The following CA10 variants were observed in gnomAD, a reference collection of about 807,000 sequenced individuals.
CA10 encodes carbonic anhydrase-related protein 10.
In CA10, 14 loss-of-function variants were observed where a neutral mutation model predicts 44.2. That is an observed-to-expected ratio of 0.32 (90% CI 0.21 to 0.50). The LOEUF is 0.50. Ranked by LOEUF, CA10 falls within the 20% of genes least tolerant of loss-of-function variation. CA10 has a pLI of 0.99. For synonymous variants in CA10, 159 were observed against 141.6 expected (o/e 1.12, Z -0.87); for missense variants, 350 against 409.7 (o/e 0.85, Z 1.26).
chr17:51,791,532 T>C (rs994679459), intron 3 of CA10, among the ~76,000 whole-genome samples: 1 of 152,218 alleles, frequency 6.6e-6, no homozygotes, highest in Non-Finnish European at 1.5e-5. Context: ...AATATCAACA[T>C]AATTTTTTTG....
chr17:51,968,118 A>G (rs1158983536), intron 2 of CA10, among the ~76,000 whole-genome samples: 1 of 151,884 alleles, frequency 6.6e-6, no homozygotes, highest in Non-Finnish European at 1.5e-5. Flanking sequence ...AGGGAACATA[A>G]GATAGTACAG....
chr17:51,932,090 C>A (rs1350826596), intron 2 of CA10, among the ~76,000 whole-genome samples: 12 of 152,024 alleles, frequency 7.9e-5, no homozygotes. Context: ...GCATCACGCA[C>A]TGGGTTAGGC....
chr17:51,791,248 T>C (rs1223357883), intron 3 of CA10, among the ~76,000 whole-genome samples: 1 of 152,220 alleles, frequency 6.6e-6, no homozygotes, highest in African/African-American at 2.4e-5. Flanking sequence ...GACTCATCTA[T>C]TGTACCAGTT....
At chr17:52,033,065 G>T (rs1986515545) in intron 2 of CA10, among the ~76,000 whole-genome samples, 1 of 152,280 alleles carries the variant, frequency 6.6e-6, no homozygotes, top group East Asian at 1.9e-4. Context: ...CATGGATTTG[G>T]AGGAAGGTGG....
At chr17:51,795,213 C>G (rs1906661204) in intron 3 of CA10, among the ~76,000 whole-genome samples, 1 of 152,148 alleles carries the variant, frequency 6.6e-6, no homozygotes, top group Non-Finnish European at 1.5e-5. Flanking sequence ...AAATGCACTT[C>G]CTGAGGACCT....
At chr17:52,059,996 T>C (rs780372016) in intron 2 of CA10, among the ~76,000 whole-genome samples, 5 of 152,226 alleles carry the variant, frequency 3.3e-5, no homozygotes, top group Admixed American at 2.6e-4. Context: ...TCATTTGTTC[T>C]ACAACTAAAG....
At chr17:52,137,217 C>T (rs1000888043) in intron 1 of CA10, among the ~76,000 whole-genome samples, 1 of 151,986 alleles carries the variant, frequency 6.6e-6, no homozygotes, top group African/African-American at 2.4e-5. Context: ...GCTCTCTTAC[C>T]TAGCAGTATG....
intron 3 of CA10, among the ~76,000 whole-genome samples, chr17:51,873,464 A>G (rs1205228179): frequency 6.6e-6 from 1 of 152,192 alleles, no homozygotes; most frequent in Non-Finnish European, 1.5e-5. Context: ...GTATTACAGG[A>G]CCTGGGAGGC....
intron 1 of CA10, among the ~76,000 whole-genome samples, chr17:52,076,058 G>A (rs1987810032): frequency 6.6e-6 from 1 of 152,180 alleles, no homozygotes; most frequent in Non-Finnish European, 1.5e-5. Flanking sequence ...AAAAGGGAAA[G>A]CTAACTCTAA....
chr17:51,950,347 C>A (rs1226381650), intron 2 of CA10, among the ~76,000 whole-genome samples: 1 of 152,106 alleles, frequency 6.6e-6, no homozygotes, highest in Non-Finnish European at 1.5e-5. Flanking sequence ...CTTTTCTGTG[C>A]CCTGGGAGGC....
intron 4 of CA10, among the ~76,000 whole-genome samples, chr17:51,731,653 T>TAAAA (rs371165542): frequency 0.021 from 2,260 of 109,056 alleles, 62 homozygotes; most frequent in East Asian, 0.069. Flanking sequence ...AAGGGGCTGG[T>TAAAA]AAAAAAAAAA....
chr17:51,672,716 C>G (rs1290161318), intron 4 of CA10, among the ~76,000 whole-genome samples: 1 of 152,174 alleles, frequency 6.6e-6, no homozygotes, highest in Non-Finnish European at 1.5e-5. Context: ...TCTCCAGTGT[C>G]TCAGAAAGGG....
At chr17:51,943,879 G>A (rs947463107) in intron 2 of CA10, among the ~76,000 whole-genome samples, 3 of 152,092 alleles carry the variant, frequency 2.0e-5, no homozygotes, top group Non-Finnish European at 4.4e-5. Context: ...AAAACACATC[G>A]ACTAAAGGGT....
intron 3 of CA10, among the ~76,000 whole-genome samples, chr17:51,886,156 C>A (rs566877546): frequency 6.6e-6 from 1 of 152,278 alleles, no homozygotes; most frequent in South Asian, 2.1e-4. Context: ...CAGCCACCTG[C>A]ATTATTTTCT....
chr17:51,810,262 T>C (rs982246990), intron 3 of CA10, among the ~76,000 whole-genome samples: 3 of 152,362 alleles, frequency 2.0e-5, no homozygotes, highest in Non-Finnish European at 4.4e-5. Flanking sequence ...GTCTGTCTGA[T>C]TTCTAGCTGA....
chr17:51,728,607 A>G (rs1205435721), intron 4 of CA10, among the ~76,000 whole-genome samples: 1 of 152,190 alleles, frequency 6.6e-6, no homozygotes, highest in Admixed American at 6.5e-5. Context: ...GATACATATC[A>G]CAGGGGAAAG....
At chr17:51,850,989 C>T (rs1057342939) in intron 3 of CA10, among the ~76,000 whole-genome samples, 2 of 152,178 alleles carry the variant, frequency 1.3e-5, no homozygotes, top group Non-Finnish European at 2.9e-5. Context: ...CTTCCCAGTG[C>T]CTGCCCTGAC....
intron 1 of CA10, among the ~76,000 whole-genome samples, chr17:52,095,566 A>G (rs1988381819): frequency 6.6e-6 from 1 of 152,192 alleles, no homozygotes; most frequent in African/African-American, 2.4e-5. Flanking sequence ...ATAAGAATTT[A>G]TATGATCTAT....
intron 3 of CA10, among the ~76,000 whole-genome samples, chr17:51,834,806 C>T (rs528936973): frequency 8.5e-5 from 13 of 152,202 alleles, no homozygotes; most frequent in East Asian, 5.8e-4. Flanking sequence ...ATATGGTTGT[C>T]GAGGGAATTA....
Sources: allele counts gnomAD v4.1 joint callset (sites outside exome capture counted in the v4.1 genomes callset), GRCh38; gene constraint gnomAD v4.1.1; transcripts MANE v1.5; gene names NCBI Gene and HGNC (gene_info 2026-07-23, HGNC 2026-07-21).